The following CTNND1 variants were observed in gnomAD, a reference collection of about 807,000 sequenced individuals.
The protein encoded by CTNND1 is catenin delta-1.
In CTNND1, 16 loss-of-function variants were observed where a neutral mutation model predicts 112.1. The observed-to-expected ratio is 0.14, with a 90% confidence interval of 0.10 to 0.22. CTNND1 has a LOEUF of 0.22. Among genes scored for constraint, CTNND1 ranks in the 10% least tolerant of loss-of-function variants. The pLI is 1.00. For missense variants in CTNND1, 1,008 were observed against 1,257.0 expected, an observed-to-expected ratio of 0.80 and a Z score of 3.00; for synonymous variants, 420 against 446.5, an observed-to-expected ratio of 0.94 and a Z score of 0.75.
At chr11:57,812,295 A>AG (rs2063454707) in intron 17 of CTNND1, among the ~76,000 whole-genome samples, 1 of 152,152 alleles carries the variant, frequency 6.6e-6, no homozygotes, top group African/African-American at 2.4e-5. Flanking sequence ...TGAGGCGGGC[A>AG]GATCACCTGA....
intron 10 of CTNND1, 53 bp downstream of exon 10, chr11:57,806,088 G>A: frequency 6.4e-7 from 1 of 1,557,092 alleles, no homozygotes; most frequent in Non-Finnish European, 8.7e-7. Flanking sequence ...GGAAAGGAAG[G>A]AACACTTTAG....
chr11:57,768,521 G>A (rs1365363340), intron 1 of CTNND1, among the ~76,000 whole-genome samples: 2 of 150,270 alleles, frequency 1.3e-5, no homozygotes, highest in Non-Finnish European at 3.0e-5. Flanking sequence ...AGCCTCCCGA[G>A]TAGCTGGGAC....
intron 6 of CTNND1, among the ~76,000 whole-genome samples, chr11:57,799,753 A>G: frequency 6.6e-6 from 1 of 152,206 alleles, no homozygotes; most frequent in East Asian, 1.9e-4. Context: ...ATAATTTTGT[A>G]TATTAATAAT....
intron 9 of CTNND1, 36 bp from the exon 10 acceptor site, chr11:57,805,846 A>G (rs1591611170): frequency 1.2e-6 from 2 of 1,600,170 alleles, no homozygotes; most frequent in South Asian, 2.2e-5. Context: ...CACAATAGAC[A>G]TTCTTTTTTC....
chr11:57,769,767 A>G (rs565671332), intron 1 of CTNND1, among the ~76,000 whole-genome samples: 2 of 152,272 alleles, frequency 1.3e-5, no homozygotes, highest in East Asian at 3.9e-4. Context: ...AACTGTTAGG[A>G]TACCACTTCA....
chr11:57,762,110 T>TAA lies in CTNND1; in HGVS notation c.-223_-222insAA. 1 of 985,422 alleles carries TAA rather than the reference T, an allele frequency of 1.0e-6. No individual in the cohort carries two copies. The highest frequency in any genetic ancestry group is 1.2e-6 in the Non-Finnish European group (1 of 829,904). 61.0% of individuals were successfully genotyped at this position (985,422 alleles called of 1,614,324 possible). On this transcript the variant is annotated 5_prime_UTR_variant, in exon 1 of 21. It adds an upstream start codon to the 5' untranslated region. Transcript: ENST00000399050. ...AAAGGAGGATAAGCAAGTCGAATTTTTGTCTTACGGTAACCGGAGGGAATT... is the reference window on the plus strand; with the variant it reads ...AAAGGAGGATAAGCAAGTCGAATTTTAATGTCTTACGGTAACCGGAGGGAATT...
At chr11:57,806,560 C>A in intron 11 of CTNND1, 82 bp downstream of exon 11, 3 of 1,285,690 alleles carry the variant, frequency 2.3e-6, no homozygotes, top group South Asian at 1.3e-5. Context: ...CCTTGCCTAA[C>A]CTTTCCCTGT....
rs190821971 is a variant in CTNND1 at position 57,785,846 on chromosome 11, C to T, written c.-213-3191C>T. On this transcript the variant is annotated intron_variant, in intron 1 of 20. Coordinates refer to ENST00000399050, the MANE Select transcript of CTNND1 (RefSeq NM_001085458.2). ...ACAGGCTTGAGCCACCACGCCCGGC[C>T]GGTAAGTGATTTTTTTGTTTTTTGG... Among the ~76,000 whole-genome samples the T allele has an allele frequency of 1.9e-3, 282 of 152,034 alleles. 1 individual carries two copies. The highest frequency in any genetic ancestry group is 6.5e-3 in the African/African-American group (269 of 41,440).
At position 57,789,160 on chromosome 11, in the gene CTNND1, G is replaced by C. The variant is rs554192703; in HGVS notation, c.-95+5G>C. The C allele has an allele frequency of 6.8e-7, 1 of 1,464,558 alleles. No homozygotes were observed. Among genetic ancestry groups the C allele is most frequent in the South Asian group, 1.3e-5 (1 of 74,968 alleles). 90.7% of individuals were successfully genotyped at this position (1,464,558 alleles called of 1,614,324 possible). A position where few individuals can be genotyped will look rare whatever the true frequency, so the allele number is the denominator to read the frequency against. ...GTTGCGACCTTCTCTTAACAGGTGT[G>C]TATGGAAATATGTTTATTAAGAAGG... On this transcript the variant is annotated splice_donor_5th_base_variant and intron_variant, in intron 2 of 20. Transcript: ENST00000399050.
At chr11:57,772,327 G>A (rs1952885557) in intron 1 of CTNND1, among the ~76,000 whole-genome samples, 1 of 151,996 alleles carries the variant, frequency 6.6e-6, no homozygotes, top group Non-Finnish European at 1.5e-5. Flanking sequence ...GCCTAGACCT[G>A]TACAGTTTCC....
In CTNND1 at chr11:57,803,708, T is replaced by C; in HGVS notation, c.1508T>C (p.Ile503Thr). Residue 503 changes from isoleucine (I) to threonine (T), a missense_variant, in exon 8 of 21, where the codon ATT (isoleucine) becomes ACT (threonine). By Grantham distance (89) the Ile-to-Thr change is moderately conservative. Coordinates refer to ENST00000399050, the MANE Select transcript of CTNND1 (RefSeq NM_001085458.2). ...CATGCCTTGACAGATGAAGTGATCA[T>C]TCCTCATTCTGGTTGGGAGCGGGAA... is the stretch of plus-strand genomic sequence containing the variant. The part of the protein sequence containing the change: ...ALHALTDEVI[I>T]PHSGWEREPN... The C allele has an allele frequency of 1.2e-6, 2 of 1,613,678 alleles. No individual in the cohort carries two copies. Among genetic ancestry groups the C allele is most frequent in the South Asian group, 2.2e-5 (2 of 91,004 alleles).
intron 1 of CTNND1, among the ~76,000 whole-genome samples, chr11:57,771,936 CT>C (rs746241186): frequency 5.7e-4 from 82 of 143,904 alleles, no homozygotes; most frequent in Admixed American, 7.0e-4. Flanking sequence ...TTTTCTTTTT[CT>C]TTTTTTTTTT....
intron 1 of CTNND1, among the ~76,000 whole-genome samples, chr11:57,777,884 AT>A (rs1433623944): frequency 6.6e-6 from 1 of 152,128 alleles, no homozygotes; most frequent in Non-Finnish European, 1.5e-5. Flanking sequence ...CTCTGTTTGC[AT>A]TTTTGCTTCT....
At chr11:57,776,120 T>A (rs1954163417) in intron 1 of CTNND1, among the ~76,000 whole-genome samples, 1 of 152,206 alleles carries the variant, frequency 6.6e-6, no homozygotes, top group Admixed American at 6.5e-5. Flanking sequence ...CAAGAAAGCA[T>A]TCCTTCTAAG....
intron 15 of CTNND1, 100 bp downstream of exon 15, chr11:57,809,566 G>A (rs941063058): frequency 8.2e-5 from 83 of 1,007,874 alleles, no homozygotes; most frequent in Non-Finnish European, 9.9e-5. Context: ...CCTTATTTAC[G>A]TGTAATGTGT....
rs190577798 is a variant in CTNND1, at chr11:57,768,895, A to G, written c.-214+6776A>G. Among the ~76,000 whole-genome samples, 9 of 152,106 alleles carry G rather than the reference A, an allele frequency of 5.9e-5. No homozygotes were observed. In the East Asian group the frequency reaches 1.7e-3, roughly 29 times the overall value. ...CTTGCGGGTTTATTCCAGCCTAGGA[A>G]TTTTCCTTCTCTTTTCCTCCCTTTT... On this transcript the variant is annotated intron_variant, in intron 1 of 20. Transcript: ENST00000399050.
chr11:57,784,831 GAA>G (rs1320174666), intron 1 of CTNND1, among the ~76,000 whole-genome samples: 4 of 152,084 alleles, frequency 2.6e-5, no homozygotes, highest in African/African-American at 9.7e-5. Context: ...ATTTTATAAT[GAA>G]TAAATAGGAA....
At chr11:57,775,078 G>C (rs573070748) in intron 1 of CTNND1, among the ~76,000 whole-genome samples, 1 of 151,748 alleles carries the variant, frequency 6.6e-6, no homozygotes, top group South Asian at 2.1e-4. Flanking sequence ...CTGATGTAGA[G>C]GGGGGATTTA....
At chr11:57,786,934 G>A (rs1046554648) in intron 1 of CTNND1, among the ~76,000 whole-genome samples, 6 of 152,176 alleles carry the variant, frequency 3.9e-5, no homozygotes, top group Admixed American at 2.6e-4. Context: ...GGTACTGACT[G>A]CACTTCTATT....
Sources: gnomAD v4.1 joint callset for allele counts (sites outside exome capture counted in the v4.1 genomes callset) on GRCh38, gnomAD v4.1.1 for gene constraint, MANE v1.5 for transcripts, NCBI Gene and HGNC (gene_info 2026-07-23, HGNC 2026-07-21) for gene names.